ZNF655: variants seen among roughly 807,000 people sequenced by gnomAD.
ZNF655 encodes the protein zinc finger protein 655.
A neutral mutation model predicts 6.6 loss-of-function variants in ZNF655; 3 were observed. That is an observed-to-expected ratio of 0.46 (90% CI 0.21 to 1.18). The LOEUF is 1.18. ZNF655 is among the 50% of genes most tolerant of loss of function. The pLI is 0.24. For missense variants in ZNF655, 526 were observed against 572.3 expected (o/e 0.92, Z 0.83); for synonymous variants, 178 against 195.0 (o/e 0.91, Z 0.73).
chr7:99,568,797 C>A (rs930413033), intron 2 of ZNF655, among the ~76,000 whole-genome samples: 1 of 151,032 alleles, frequency 6.6e-6, no homozygotes, highest in African/African-American at 2.4e-5. Flanking sequence ...GATTGACTGA[C>A]TGACTGACTG....
intron 2 of ZNF655, among the ~76,000 whole-genome samples, chr7:99,563,559 C>G (rs1264806563): frequency 6.6e-6 from 1 of 152,150 alleles, no homozygotes; most frequent in East Asian, 1.9e-4. Context: ...CTCAAGTGAT[C>G]CACCTTCCTT....
At chr7:99,559,195 G>T (rs913338293) in intron 1 of ZNF655, among the ~76,000 whole-genome samples, 2 of 152,154 alleles carry the variant, frequency 1.3e-5, no homozygotes, top group Non-Finnish European at 2.9e-5. Flanking sequence ...GAAGGACGCC[G>T]CTCAAACCTG....
chr7:99,563,599 T>A (rs942647289), intron 2 of ZNF655, among the ~76,000 whole-genome samples: 1 of 152,198 alleles, frequency 6.6e-6, no homozygotes, highest in Non-Finnish European at 1.5e-5. Flanking sequence ...ATTACAGGCA[T>A]GAGCCACCGC....
rs999724840 is a variant in ZNF655, at chr7:99,576,287, A to T, written c.*2703A>T. On this transcript the variant is annotated 3_prime_UTR_variant, in exon 3 of 3. Transcript: ENST00000252713. Reference sequence around the variant, plus strand: ...AAAATGCATGTGTTTTTTCCTGTCAAACATGTATACCCTTATGTATAGAGA... The same window carrying T: ...AAAATGCATGTGTTTTTTCCTGTCATACATGTATACCCTTATGTATAGAGA... The T allele has an allele frequency of 4.6e-5, 7 of 152,676 alleles. No homozygotes were observed. Among genetic ancestry groups the T allele is most frequent in the African/African-American group, 1.7e-4 (7 of 41,458 alleles). 9.5% of individuals were successfully genotyped at this position (152,676 alleles called of 1,614,324 possible).
chr7:99,568,261 AT>A (rs548893044), intron 2 of ZNF655, among the ~76,000 whole-genome samples: 16,866 of 132,514 alleles, frequency 0.13, 1,594 homozygotes, highest in African/African-American at 0.29. Flanking sequence ...AGGGATTTGG[AT>A]TTTTTTTTTT....
intron 2 of ZNF655, chr7:99,571,898 T>G (rs1804101443): frequency 4.2e-6 from 3 of 720,078 alleles, no homozygotes; most frequent in Non-Finnish European, 4.5e-6. Flanking sequence ...GTGTGTGTCC[T>G]AGCATGGAGA....
chr7:99,561,261 T>C (rs1441024410), intron 2 of ZNF655, among the ~76,000 whole-genome samples: 1 of 152,192 alleles, frequency 6.6e-6, no homozygotes, highest in African/African-American at 2.4e-5. Flanking sequence ...TATAGGTAGG[T>C]TGGTCTTTTT....
At chr7:99,563,229 G>A (rs1030941265) in intron 2 of ZNF655, 4 of 446,390 alleles carry the variant, frequency 9.0e-6, no homozygotes, top group South Asian at 6.3e-5. Context: ...TAGTGCTGCT[G>A]GGAAGCATCA....
chr7:99,572,875 G>A lies in ZNF655; in HGVS notation c.767G>A (p.Ser256Asn), dbSNP rs1485769253. 1 of 1,614,080 alleles carries A rather than the reference G, an allele frequency of 6.2e-7. No homozygotes were observed. The highest frequency in any genetic ancestry group is 8.5e-7 in the Non-Finnish European group (1 of 1,179,984). The part of the protein sequence containing the change: ...EKSFSQSSSL[S>N]RHKRIHTREK... Reference sequence around the variant, plus strand: ...TCTTTCAGTCAGAGCTCAAGTCTTAGTCGACATAAAAGAATACACACTAGA... The same window carrying A: ...TCTTTCAGTCAGAGCTCAAGTCTTAATCGACATAAAAGAATACACACTAGA... Residue 256 changes from serine (S) to asparagine (N), a missense_variant, in exon 3 of 3, where the codon AGT becomes AAT. By Grantham distance (46) the Ser-to-Asn change is conservative. Transcript: ENST00000252713.
At chr7:99,564,840 A>G (rs1490185527) in intron 2 of ZNF655, 5 of 376,628 alleles carry the variant, frequency 1.3e-5, no homozygotes, top group South Asian at 1.1e-4. Flanking sequence ...GTCGACATGC[A>G]TACACACTTT....
In ZNF655 at chr7:99,572,754, G is replaced by A; in HGVS notation, c.646G>A (p.Val216Ile). Residue 216 changes from valine (V) to isoleucine (I), a missense_variant, in exon 3 of 3, where the codon GTA (valine) becomes ATA (isoleucine). By Grantham distance (29) the Val-to-Ile change is conservative (BLOSUM62 3). Transcript: ENST00000252713. ...CACTGAGAAATCCTATAAATGTGAT[G>A]TATGTGGGAAAATTTTCCATCAGAG... ...PNTEKSYKCD[V>I]CGKIFHQSSA... 2 of 1,613,198 alleles carry A rather than the reference G, an allele frequency of 1.2e-6. No homozygotes were observed. Among genetic ancestry groups the A allele is most frequent in the Non-Finnish European group, 1.7e-6 (2 of 1,179,882 alleles).
At chr7:99,571,601 C>T (rs1237287195) in intron 2 of ZNF655, 15 of 1,103,588 alleles carry the variant, frequency 1.4e-5, no homozygotes, top group South Asian at 1.1e-4. Context: ...GACCTTCTGT[C>T]TCTCTTAATC....
chr7:99,565,256 C>T (rs759280353), intron 2 of ZNF655, among the ~76,000 whole-genome samples: 32 of 152,194 alleles, frequency 2.1e-4, no homozygotes, highest in Non-Finnish European at 4.6e-4. Context: ...GCAAGCTCCA[C>T]CTCCCGGCTT....
chr7:99,561,837 G>A, intron 2 of ZNF655: 1 of 1,300,546 alleles, frequency 7.7e-7, no homozygotes, highest in South Asian at 1.8e-5. Flanking sequence ...CTCTGAAAGG[G>A]AGCCCTGGGA....
intron 2 of ZNF655, among the ~76,000 whole-genome samples, chr7:99,566,021 ATGTGTGTG>A (rs34698828): frequency 6.7e-6 from 1 of 149,864 alleles, no homozygotes; most frequent in Admixed American, 6.7e-5. Flanking sequence ...GGACATTTAT[ATGTGTGTG>A]TGTGTGTGTG....
chr7:99,561,973 G>A, intron 2 of ZNF655: 6 of 1,581,730 alleles, frequency 3.8e-6, no homozygotes, highest in Non-Finnish European at 5.2e-6. Context: ...CCAGGTACCA[G>A]GTGAGCTGAG....
rs1224471465 is a variant in ZNF655 at position 99,576,154 on chromosome 7, A to G, written c.*2570A>G. The G allele has an allele frequency of 1.3e-5, 2 of 152,502 alleles. No individual in the cohort carries two copies. The highest frequency in any genetic ancestry group is 4.8e-5 in the African/African-American group (2 of 41,452). The allele number at this position is 152,502 out of a possible 1,614,324, so 9.4% of individuals were successfully genotyped here. The stretch of plus-strand genomic sequence containing the variant: ...TAACCTCTAGGATAGTTCTGCCACT[A>G]TATTTTACTTCTTTGCCATCAGCAA... On this transcript the variant is annotated 3_prime_UTR_variant, in exon 3 of 3. Coordinates refer to ENST00000252713, the MANE Select transcript of ZNF655 (RefSeq NM_138494.3).
At chr7:99,558,985 C>T (rs565751671) in intron 1 of ZNF655, 198 bp downstream of exon 1, 4 of 152,508 alleles carry the variant, frequency 2.6e-5, no homozygotes, top group African/African-American at 9.6e-5. Flanking sequence ...GCCCCGCCGT[C>T]AGGAGCCGGC....
intron 2 of ZNF655, among the ~76,000 whole-genome samples, chr7:99,567,208 C>T (rs910595028): frequency 3.3e-5 from 5 of 152,198 alleles, no homozygotes; most frequent in South Asian, 2.1e-4. Flanking sequence ...TAATTTTAAA[C>T]GGAAAAAATG....
Sources: allele counts gnomAD v4.1 joint callset (sites outside exome capture counted in the v4.1 genomes callset), GRCh38; gene constraint gnomAD v4.1.1; transcripts MANE v1.5; gene names NCBI Gene and HGNC (gene_info 2026-07-23, HGNC 2026-07-21).